The following GRIN3A variants were observed in gnomAD, a reference collection of about 807,000 sequenced individuals.
GRIN3A encodes the protein glutamate ionotropic receptor NMDA type subunit 3A, also known as glutamate receptor ionotropic, NMDA 3A.
Under a neutral mutation model 92.4 loss-of-function variants are expected in GRIN3A, and 47 were observed. That is an observed-to-expected ratio of 0.51 (90% CI 0.40 to 0.65). The LOEUF is 0.65. GRIN3A is among the 30% of genes least tolerant of loss of function. The probability of loss-of-function intolerance (pLI) is 0.00; values close to 1 mark genes in which losing one functional copy is unlikely to be tolerated. For missense variants in GRIN3A, 1,324 were observed against 1,393.1 expected (o/e 0.95, Z 0.79); for synonymous variants, 527 against 540.6 (o/e 0.97, Z 0.35).
At chr9:101,723,072 G>A (rs980199147) in intron 1 of GRIN3A, among the ~76,000 whole-genome samples, 4 of 152,164 alleles carry the variant, frequency 2.6e-5, no homozygotes, top group African/African-American at 9.7e-5. Context: ...CACGCAGGGG[G>A]AGGTAATTGA....
intron 2 of GRIN3A, among the ~76,000 whole-genome samples, chr9:101,676,116 G>T (rs1373317551): frequency 6.7e-6 from 1 of 148,996 alleles, no homozygotes; most frequent in Non-Finnish European, 1.5e-5. Context: ...ATTGTTTTCA[G>T]CCTTCATTTC....
chr9:101,734,955 C>G lies in GRIN3A; in HGVS notation c.699+2326G>C, dbSNP rs564646948. Among the ~76,000 whole-genome samples the G allele has an allele frequency of 4.6e-5, 7 of 151,466 alleles. 1 individual carries two copies. Among genetic ancestry groups the G allele is most frequent in the East Asian group, 1.9e-4 (1 of 5,192 alleles). The stretch of plus-strand genomic sequence containing the variant: ...TAATGTGTAAAATGAGTTTGACATC[C>G]TTTTATATATAGAAAGTTTTTAAAA... On this transcript the variant is annotated intron_variant, in intron 1 of 8. Transcript: ENST00000361820.
At chr9:101,681,141 G>C (rs571971762) in intron 2 of GRIN3A, among the ~76,000 whole-genome samples, 1 of 152,288 alleles carries the variant, frequency 6.6e-6, no homozygotes, top group African/African-American at 2.4e-5. Context: ...ATAATCCTGG[G>C]AACAGCAGGT....
At chr9:101,598,854 C>T (rs982986853) in intron 6 of GRIN3A, among the ~76,000 whole-genome samples, 7 of 152,204 alleles carry the variant, frequency 4.6e-5, no homozygotes, top group African/African-American at 1.7e-4. Context: ...TACAGACCTT[C>T]CATTGCAGAC....
intron 6 of GRIN3A, among the ~76,000 whole-genome samples, chr9:101,607,311 T>G (rs1828299963): frequency 6.6e-6 from 1 of 152,134 alleles, no homozygotes; most frequent in Non-Finnish European, 1.5e-5. Flanking sequence ...ACCTAGTAAT[T>G]CTATTACTAG....
At chr9:101,576,925 T>C (rs1277254876) in intron 8 of GRIN3A, among the ~76,000 whole-genome samples, 1 of 152,116 alleles carries the variant, frequency 6.6e-6, no homozygotes, top group Non-Finnish European at 1.5e-5. Flanking sequence ...TGATGAGAGG[T>C]GTGCCCTCAT....
Position 101,670,901 on chromosome 9 carries a change from T to C in GRIN3A, c.1511A>G (p.Lys504Arg), listed in dbSNP as rs757336061. ...CTTACTTGGATGTTGGAAGTGGGTT[T>C]TGTGTCTCTGGGCCTGCTCTGGCCA... Reference protein sequence around the residue: ...GIWPEQAQRHKTHFQHPSKLH... With the variant: ...GIWPEQAQRHRTHFQHPSKLH... The change falls in exon 3 of 9, where the codon AAA (lysine) becomes AGA (arginine). Residue 504 changes from lysine (K) to arginine (R), a missense_variant. Physicochemically the swap from Lys to Arg is conservative, Grantham distance 26. Transcript: ENST00000361820. 7 of 1,612,252 alleles carry C rather than the reference T, an allele frequency of 4.3e-6. No individual in the cohort carries two copies. The highest frequency in any genetic ancestry group is 5.9e-6 in the Non-Finnish European group (7 of 1,178,662).
chr9:101,622,394 C>A (rs1177711871), intron 5 of GRIN3A, among the ~76,000 whole-genome samples: 1 of 152,190 alleles, frequency 6.6e-6, no homozygotes, highest in African/African-American at 2.4e-5. Context: ...CATGCACTAT[C>A]AGGAAGGGAA....
At chr9:101,686,374 G>C (rs1028694371) in intron 2 of GRIN3A, among the ~76,000 whole-genome samples, 1 of 152,126 alleles carries the variant, frequency 6.6e-6, no homozygotes, top group Non-Finnish European at 1.5e-5. Flanking sequence ...TTAAAGGCAG[G>C]ATTGAGCACT....
At chr9:101,692,532 T>C (rs1249075338) in intron 1 of GRIN3A, among the ~76,000 whole-genome samples, 3 of 152,172 alleles carry the variant, frequency 2.0e-5, no homozygotes, top group African/African-American at 7.2e-5. Context: ...AGAGAAAAGA[T>C]GCAATTCTCT....
intron 6 of GRIN3A, among the ~76,000 whole-genome samples, chr9:101,597,223 C>G (rs1233129079): frequency 6.6e-6 from 1 of 152,148 alleles, no homozygotes; most frequent in Middle Eastern, 3.2e-3. Context: ...TCTGATTGGT[C>G]TCACTTGGGT....
chr9:101,716,086 G>A (rs569230612), intron 1 of GRIN3A, among the ~76,000 whole-genome samples: 6 of 151,810 alleles, frequency 4.0e-5, no homozygotes, highest in Non-Finnish European at 8.8e-5. Context: ...AACTTTTTTC[G>A]CATGGAATTT....
rs139990682 is a variant in GRIN3A, at chr9:101,573,314, C to T, written c.3208G>A (p.Val1070Ile). 2.1e-5 allele frequency: 34 copies of T among 1,613,952 alleles called. No homozygotes were observed. The highest frequency in any genetic ancestry group is 8.3e-5 in the Admixed American group (5 of 59,988). The part of the protein sequence containing the change: ...TTNGKADSLN[V>I]SRNSVMQELS... Reference sequence around the variant, plus strand: ...TCCTGCATCACTGAGTTCCGAGATACATTTAGGGAGTCTGCTTTCCCATTG... The same window carrying T: ...TCCTGCATCACTGAGTTCCGAGATATATTTAGGGAGTCTGCTTTCCCATTG... The change falls in exon 9 of 9, where the codon GTA (valine) becomes ATA (isoleucine). Residue 1070 changes from valine (V) to isoleucine (I), a missense_variant. By Grantham distance (29) the Val-to-Ile change is conservative. Coordinates refer to ENST00000361820, the MANE Select transcript of GRIN3A (RefSeq NM_133445.3).
intron 1 of GRIN3A, among the ~76,000 whole-genome samples, chr9:101,707,007 C>T (rs1829822447): frequency 6.6e-6 from 1 of 152,090 alleles, no homozygotes; most frequent in South Asian, 2.1e-4. Context: ...ACTAAATCAG[C>T]AAATGAGAAG....
chr9:101,722,167 T>C (rs1830020986), intron 1 of GRIN3A, among the ~76,000 whole-genome samples: 1 of 152,226 alleles, frequency 6.6e-6, no homozygotes, highest in Non-Finnish European at 1.5e-5. Flanking sequence ...GGGGCCAACA[T>C]AGAGCTCAGG....
intron 6 of GRIN3A, chr9:101,593,251 C>T (rs1828057631): frequency 1.3e-5 from 2 of 152,236 alleles, no homozygotes; most frequent in African/African-American, 4.8e-5. Flanking sequence ...CCTGGAACCA[C>T]AGGCTCCGGC....
At chr9:101,621,677 G>A (rs941472342) in intron 5 of GRIN3A, among the ~76,000 whole-genome samples, 1 of 152,166 alleles carries the variant, frequency 6.6e-6, no homozygotes, top group South Asian at 2.1e-4. Context: ...GGAAACCAGT[G>A]GGGAGTTAAT....
At chr9:101,694,673 TA>T (rs1419958437) in intron 1 of GRIN3A, among the ~76,000 whole-genome samples, 1 of 152,082 alleles carries the variant, frequency 6.6e-6, no homozygotes, top group African/African-American at 2.4e-5. Context: ...CCCACACAAA[TA>T]CAACTTTTGG....
At chr9:101,638,609 TA>T (rs1393658344) in intron 3 of GRIN3A, among the ~76,000 whole-genome samples, 1 of 152,214 alleles carries the variant, frequency 6.6e-6, no homozygotes, top group South Asian at 2.1e-4. Context: ...TTAATAACCA[TA>T]ATGGTGATGA....
Sources: allele counts gnomAD v4.1 joint callset (sites outside exome capture counted in the v4.1 genomes callset), GRCh38; gene constraint gnomAD v4.1.1; transcripts MANE v1.5; gene names NCBI Gene and HGNC (gene_info 2026-07-23, HGNC 2026-07-21).